SLX4IP: variants seen among roughly 807,000 people sequenced by gnomAD.
SLX4IP encodes protein SLX4IP.
SLX4IP carries 34 observed loss-of-function variants against 32.9 expected under a neutral mutation model. That is an observed-to-expected ratio of 1.03 (90% CI 0.79 to 1.38). The LOEUF is 1.38. Ranked by LOEUF, SLX4IP falls within the 40% of genes most tolerant of loss-of-function variation. SLX4IP has a pLI of 0.00. For synonymous variants in SLX4IP, 172 were observed against 171.7 expected, an observed-to-expected ratio of 1.00 and a Z score of -0.01; for missense variants, 444 against 479.0, an observed-to-expected ratio of 0.93 and a Z score of 0.68.
intron 2 of SLX4IP, among the ~76,000 whole-genome samples, chr20:10,517,946 C>T (rs902092136): frequency 1.3e-5 from 2 of 151,828 alleles, no homozygotes; most frequent in Non-Finnish European, 2.9e-5. Context: ...AAAAGCAAAC[C>T]GAGAATAAAT....
intron 2 of SLX4IP, among the ~76,000 whole-genome samples, chr20:10,548,239 G>A (rs1010222388): frequency 1.3e-5 from 2 of 151,958 alleles, no homozygotes; most frequent in African/African-American, 4.8e-5. Context: ...CTTTCTCCAG[G>A]GCTTCTTTTT....
At chr20:10,617,281 G>T (rs2067046492) in intron 6 of SLX4IP, among the ~76,000 whole-genome samples, 1 of 152,178 alleles carries the variant, frequency 6.6e-6, no homozygotes, top group Admixed American at 6.5e-5. Context: ...AAATATAGAT[G>T]CCCTCGCCCC....
chr20:10,587,996 A>G (rs1344278247), intron 4 of SLX4IP, among the ~76,000 whole-genome samples: 1 of 152,128 alleles, frequency 6.6e-6, no homozygotes, highest in African/African-American at 2.4e-5. Flanking sequence ...ATCAAACTAA[A>G]AACTTCTGTG....
chr20:10,554,122 T>G (rs1208231313), intron 2 of SLX4IP, among the ~76,000 whole-genome samples: 1 of 152,218 alleles, frequency 6.6e-6, no homozygotes, highest in Non-Finnish European at 1.5e-5. Context: ...CTCACCCAGT[T>G]TTTTACCCCC....
At chr20:10,469,706 T>C (rs2122360266) in intron 2 of SLX4IP, among the ~76,000 whole-genome samples, 1 of 152,294 alleles carries the variant, frequency 6.6e-6, no homozygotes, top group South Asian at 2.1e-4. Context: ...GGGGGCATCA[T>C]TGTTCCAATG....
chr20:10,438,728 C>A (rs2065136945), intron 1 of SLX4IP, among the ~76,000 whole-genome samples: 2 of 151,888 alleles, frequency 1.3e-5, no homozygotes, highest in Non-Finnish European at 2.9e-5. Context: ...CCTTGGCATC[C>A]CAAAGTGCTG....
chr20:10,604,258 C>T (rs1568767104), intron 6 of SLX4IP, among the ~76,000 whole-genome samples: 1 of 152,228 alleles, frequency 6.6e-6, no homozygotes, highest in Non-Finnish European at 1.5e-5. Context: ...CAATAAACTT[C>T]AGTTGTTTTT....
chr20:10,513,386 G>A (rs2065826484), intron 2 of SLX4IP, among the ~76,000 whole-genome samples: 1 of 152,204 alleles, frequency 6.6e-6, no homozygotes, highest in African/African-American at 2.4e-5. Flanking sequence ...GATTGAACAG[G>A]TGTGAAATAA....
intron 1 of SLX4IP, among the ~76,000 whole-genome samples, chr20:10,457,327 A>G (rs1403497342): frequency 6.6e-6 from 1 of 152,080 alleles, no homozygotes; most frequent in Non-Finnish European, 1.5e-5. Context: ...AGTCTTCATC[A>G]TTAAGTATGA....
At chr20:10,613,414 A>G (rs917259228) in intron 6 of SLX4IP, 43 of 1,567,046 alleles carry the variant, frequency 2.7e-5, no homozygotes, top group Non-Finnish European at 3.8e-5. Flanking sequence ...ACACCTAAGG[A>G]CCTTTGAAGA....
At chr20:10,548,388 G>A (rs906185921) in intron 2 of SLX4IP, among the ~76,000 whole-genome samples, 1 of 152,184 alleles carries the variant, frequency 6.6e-6, no homozygotes, top group South Asian at 2.1e-4. Context: ...ACAGGCGCCC[G>A]CCACCACGCC....
intron 4 of SLX4IP, among the ~76,000 whole-genome samples, chr20:10,576,493 A>G (rs2066524702): frequency 6.6e-6 from 1 of 152,212 alleles, no homozygotes; most frequent in Non-Finnish European, 1.5e-5. Flanking sequence ...TAATTATTTG[A>G]TCATGAACCA....
chr20:10,475,217 C>T (rs1465105470), intron 2 of SLX4IP, among the ~76,000 whole-genome samples: 1 of 152,226 alleles, frequency 6.6e-6, no homozygotes, highest in Non-Finnish European at 1.5e-5. Flanking sequence ...GTATTGAGGT[C>T]ATGCATAGAA....
intron 2 of SLX4IP, among the ~76,000 whole-genome samples, chr20:10,492,079 T>C (rs1246810489): frequency 3.9e-5 from 6 of 152,250 alleles, no homozygotes; most frequent in African/African-American, 1.4e-4. Flanking sequence ...ATCTGCTACA[T>C]AGTTTTCCTT....
At chr20:10,587,072 AAAAC>A (rs1237225789) in intron 4 of SLX4IP, among the ~76,000 whole-genome samples, 1 of 152,136 alleles carries the variant, frequency 6.6e-6, no homozygotes, top group Non-Finnish European at 1.5e-5. Context: ...AGAAAAGAAA[AAAAC>A]AGGACAATAA....
At chr20:10,478,950 C>T (rs2065497070) in intron 2 of SLX4IP, among the ~76,000 whole-genome samples, 1 of 152,190 alleles carries the variant, frequency 6.6e-6, no homozygotes, top group Non-Finnish European at 1.5e-5. Context: ...GGGGGTCAGT[C>T]TTGGAGAAAA....
chr20:10,556,845 G>C (rs757081580), intron 3 of SLX4IP, among the ~76,000 whole-genome samples: 1 of 152,210 alleles, frequency 6.6e-6, no homozygotes, highest in Non-Finnish European at 1.5e-5. Context: ...GCCAGTAGCC[G>C]GGGGCTTAGC....
At chr20:10,515,688 C>A (rs1300617097) in intron 2 of SLX4IP, among the ~76,000 whole-genome samples, 3 of 152,186 alleles carry the variant, frequency 2.0e-5, no homozygotes, top group Non-Finnish European at 4.4e-5. Flanking sequence ...AAGCATAGCT[C>A]ATTTAGTTCA....
intron 4 of SLX4IP, among the ~76,000 whole-genome samples, chr20:10,580,473 C>A (rs1204852636): frequency 6.7e-6 from 1 of 149,688 alleles, no homozygotes; most frequent in East Asian, 2.0e-4. Context: ...TGGTTTGTTA[C>A]TCCCCTTTGT....
Sources: gnomAD v4.1 joint callset for allele counts (sites outside exome capture counted in the v4.1 genomes callset) on GRCh38, gnomAD v4.1.1 for gene constraint, MANE v1.5 for transcripts, NCBI Gene and HGNC (gene_info 2026-07-23, HGNC 2026-07-21) for gene names.